The following VPS8 variants were observed in gnomAD, a reference collection of about 807,000 sequenced individuals.
The protein encoded by VPS8 is vacuolar protein sorting-associated protein 8 homolog.
VPS8 carries 129 observed loss-of-function variants against 216.4 expected under a neutral mutation model. The ratio of observed to expected loss-of-function variants is 0.60; its 90% CI spans 0.52 to 0.69. The LOEUF (loss-of-function observed/expected upper bound fraction) is 0.69. VPS8 is among the 30% of genes least tolerant of loss of function. The pLI is 0.00. For missense variants in VPS8, 1,531 were observed against 1,683.5 expected (o/e 0.91, Z 1.59); for synonymous variants, 571 against 565.4 (o/e 1.01, Z -0.14).
At chr3:184,883,325 C>T (rs1204336791) in intron 21 of VPS8, among the ~76,000 whole-genome samples, 1 of 152,084 alleles carries the variant, frequency 6.6e-6, no homozygotes, top group Non-Finnish European at 1.5e-5. Context: ...TAATTCTAAC[C>T]CAGATGTTTC....
intron 45 of VPS8, among the ~76,000 whole-genome samples, chr3:185,005,330 T>A (rs1754092091): frequency 6.6e-6 from 1 of 152,242 alleles, no homozygotes. Context: ...TTTGTTCTTT[T>A]TGCTTAGTAT....
intron 36 of VPS8, among the ~76,000 whole-genome samples, chr3:184,945,397 G>C (rs1432987267): frequency 6.6e-6 from 1 of 151,944 alleles, no homozygotes; most frequent in Non-Finnish European, 1.5e-5. Flanking sequence ...ACAGGGCCCT[G>C]CCTTCAGAGA....
intron 25 of VPS8, among the ~76,000 whole-genome samples, chr3:184,907,809 A>G (rs1262800827): frequency 1.3e-5 from 2 of 152,070 alleles, no homozygotes; most frequent in African/African-American, 4.8e-5. Context: ...GCTTCATTTT[A>G]TGTTGGAATT....
At chr3:184,911,670 C>T (rs2109059786) in intron 25 of VPS8, among the ~76,000 whole-genome samples, 1 of 152,290 alleles carries the variant, frequency 6.6e-6, no homozygotes, top group South Asian at 2.1e-4. Flanking sequence ...TTTAGACTCT[C>T]CCTTTTGCTC....
At position 184,824,741 on chromosome 3, in the gene VPS8, T is replaced by A. The variant is rs1469529876; in HGVS notation, c.109T>A (p.Ser37Thr). 1 of 1,613,580 alleles carries A rather than the reference T, an allele frequency of 6.2e-7. No individual in the cohort carries two copies. Among genetic ancestry groups the A allele is most frequent in the Non-Finnish European group, 8.5e-7 (1 of 1,179,688 alleles). Residue 37 changes from serine (S) to threonine (T), a missense_variant, in exon 2 of 48, where the codon TCT becomes ACT. By Grantham distance (58) the Ser-to-Thr change is moderately conservative. Coordinates refer to ENST00000625842, the MANE Select transcript of VPS8 (RefSeq NM_001009921.3). ...TCTAGAAGCTTCACTTTCAAAATTC[T>A]CTTACATAGATATGGACAAGGAACT... ...FNLEASLSKF[S>T]YIDMDKELEF...
At chr3:184,924,836 A>G (rs1160190914) in intron 29 of VPS8, 26 bp from the exon 30 acceptor site, 1 of 1,592,526 alleles carries the variant, frequency 6.3e-7, no homozygotes. Context: ...TGGTGTATTG[A>G]ATAAATGGTC....
At chr3:184,933,569 C>A (rs898835420) in intron 34 of VPS8, among the ~76,000 whole-genome samples, 2 of 151,352 alleles carry the variant, frequency 1.3e-5, no homozygotes, top group African/African-American at 4.9e-5. Flanking sequence ...TCAAAATAAT[C>A]ATTTCCCCCC....
intron 35 of VPS8, 106 bp downstream of exon 35, chr3:184,936,441 A>T (rs1182141247): frequency 9.2e-7 from 1 of 1,083,008 alleles, no homozygotes; most frequent in Non-Finnish European, 1.3e-6. Context: ...GTTGACATTT[A>T]TTAGCAGTTT....
intron 21 of VPS8, among the ~76,000 whole-genome samples, chr3:184,876,161 T>C (rs947609930): frequency 1.3e-5 from 2 of 152,138 alleles, no homozygotes; most frequent in Middle Eastern, 3.2e-3. Flanking sequence ...TTCCCTGATA[T>C]CATGCATTCC....
intron 24 of VPS8, 121 bp downstream of exon 24, chr3:184,898,775 T>C: frequency 1.3e-6 from 1 of 798,474 alleles, no homozygotes; most frequent in Middle Eastern, 4.0e-4. Flanking sequence ...CTTATATATT[T>C]ATTGACCTTG....
chr3:184,959,206 T>G (rs1484851436), intron 37 of VPS8, among the ~76,000 whole-genome samples: 1 of 152,138 alleles, frequency 6.6e-6, no homozygotes, highest in East Asian at 1.9e-4. Flanking sequence ...AAGCACACCA[T>G]CTTGACAAGG....
chr3:184,885,593 T>C (rs1731063338), intron 21 of VPS8, among the ~76,000 whole-genome samples: 1 of 152,224 alleles, frequency 6.6e-6, no homozygotes, highest in Non-Finnish European at 1.5e-5. Context: ...TGTATCCCGT[T>C]ATCAATTTGA....
intron 46 of VPS8, among the ~76,000 whole-genome samples, chr3:185,031,751 G>T (rs1758201956): frequency 6.6e-6 from 1 of 152,194 alleles, no homozygotes; most frequent in African/African-American, 2.4e-5. Flanking sequence ...TACTACTAGA[G>T]GTGTTTGGTC....
chr3:185,008,268 G>A (rs2109973601), intron 45 of VPS8, among the ~76,000 whole-genome samples: 1 of 152,150 alleles, frequency 6.6e-6, no homozygotes, highest in South Asian at 2.1e-4. Context: ...TTATACTGTA[G>A]TACTAAGTGA....
At chr3:184,866,201 T>C (rs1303395469) in intron 16 of VPS8, among the ~76,000 whole-genome samples, 1 of 152,210 alleles carries the variant, frequency 6.6e-6, no homozygotes, top group Non-Finnish European at 1.5e-5. Flanking sequence ...AGCCATTTAA[T>C]AGAATACTGT....
intron 1 of VPS8, among the ~76,000 whole-genome samples, chr3:184,822,923 AC>A (rs1248903966): frequency 6.6e-6 from 1 of 152,198 alleles, no homozygotes; most frequent in Non-Finnish European, 1.5e-5. Flanking sequence ...TTAGGACACA[AC>A]CCTATAAATA....
chr3:184,939,073 T>C (rs2109311437), intron 35 of VPS8, among the ~76,000 whole-genome samples: 1 of 151,194 alleles, frequency 6.6e-6, no homozygotes, highest in South Asian at 2.1e-4. Flanking sequence ...GTCTTAGACA[T>C]TTCTTTTAAA....
chr3:184,821,346 CTTT>C (rs755440244), intron 1 of VPS8, among the ~76,000 whole-genome samples: 1 of 144,098 alleles, frequency 6.9e-6, no homozygotes, highest in Non-Finnish European at 1.5e-5. Flanking sequence ...TTCTTCTCTA[CTTT>C]TTTTTTTTTT....
At chr3:184,868,878 G>A (rs1727838902) in intron 18 of VPS8, 68 bp from the exon 19 acceptor site, 2 of 1,398,462 alleles carry the variant, frequency 1.4e-6, no homozygotes, top group Non-Finnish European at 2.0e-6. Flanking sequence ...GATTTTAGGT[G>A]GAATAGGAAT....
Sources: allele counts gnomAD v4.1 joint callset (sites outside exome capture counted in the v4.1 genomes callset), GRCh38; gene constraint gnomAD v4.1.1; transcripts MANE v1.5; gene names NCBI Gene and HGNC (gene_info 2026-07-23, HGNC 2026-07-21).